ADGRV1: variants seen among roughly 807,000 people sequenced by gnomAD.
ADGRV1 encodes G-protein coupled receptor 98.
Under a neutral mutation model 596.2 loss-of-function variants are expected in ADGRV1, and 359 were observed. The ratio of observed to expected loss-of-function variants is 0.60; its 90% CI spans 0.55 to 0.66. The LOEUF (loss-of-function observed/expected upper bound fraction) is 0.66. Among genes scored for constraint, ADGRV1 ranks in the 30% least tolerant of loss-of-function variants. The probability of loss-of-function intolerance (pLI) is 0.00; values close to 1 mark genes in which losing one functional copy is unlikely to be tolerated. For missense variants in ADGRV1, 7,274 were observed against 7,575.6 expected, an observed-to-expected ratio of 0.96 and a Z score of 1.48; for synonymous variants, 2,681 against 2,679.2, an observed-to-expected ratio of 1.00 and a Z score of -0.02.
chr5:91,136,341 A>G (rs1794638187), intron 87 of ADGRV1, among the ~76,000 whole-genome samples: 1 of 152,228 alleles, frequency 6.6e-6, no homozygotes. Flanking sequence ...ATTTAGACCT[A>G]CACTTAAGGC....
chr5:90,806,555 G>A (rs1761920211), intron 72 of ADGRV1, among the ~76,000 whole-genome samples: 1 of 152,012 alleles, frequency 6.6e-6, no homozygotes, highest in African/African-American at 2.4e-5. Flanking sequence ...TAGGGTGTTT[G>A]CAAAAATTTT....
intron 60 of ADGRV1, among the ~76,000 whole-genome samples, 193 bp from the exon 61 acceptor site, chr5:90,776,260 T>C (rs1758214430): frequency 6.6e-6 from 1 of 152,138 alleles, no homozygotes; most frequent in Non-Finnish European, 1.5e-5. Context: ...GGGCAAGCGA[T>C]TTGCCTCCAT....
chr5:91,057,398 G>T (rs1786983843), intron 85 of ADGRV1, among the ~76,000 whole-genome samples: 1 of 152,166 alleles, frequency 6.6e-6, no homozygotes, highest in Non-Finnish European at 1.5e-5. Flanking sequence ...AAAAACTTAA[G>T]AATATCAGTC....
intron 20 of ADGRV1, chr5:90,654,293 T>A (rs1769081563): frequency 3.3e-6 from 1 of 306,008 alleles, no homozygotes; most frequent in African/African-American, 2.2e-5. Context: ...GGGAGTGATA[T>A]TCCTGCAGAG....
intron 78 of ADGRV1, among the ~76,000 whole-genome samples, chr5:90,845,809 C>T (rs1765828432): frequency 6.6e-6 from 1 of 152,100 alleles, no homozygotes; most frequent in Admixed American, 6.6e-5. Context: ...CAAGATTTGT[C>T]CTACTAGCCT....
At position 90,887,140 on chromosome 5, in the gene ADGRV1, C is replaced by T. The variant is rs143793790; in HGVS notation, c.17856+23283C>T. Among the ~76,000 whole-genome samples, 1,390 of 152,178 alleles carry T rather than the reference C, an allele frequency of 9.1e-3. 20 individuals are homozygous for T. The highest frequency in any genetic ancestry group is 0.032 in the African/African-American group (1,339 of 41,512). ...CATAATATGGCTGTTAAGACTGTAT[C>T]ACCAGCTCCGGTCCATATCACCAAT... On this transcript the variant is annotated intron_variant, in intron 83 of 89. Coordinates refer to ENST00000405460, the MANE Select transcript of ADGRV1 (RefSeq NM_032119.4).
chr5:90,861,304 A>ATTT lies in ADGRV1; in HGVS notation c.17756-2445_17756-2443dup, dbSNP rs549384273. On this transcript the variant is annotated intron_variant, in intron 82 of 89. Transcript: ENST00000405460. ...TTTTAAAATTTTTATTTATTTATCT[A>ATTT]TTTTTTTTTTGTTTTTGTTTTTGGA... 1.5e-3 allele frequency among the ~76,000 whole-genome samples: 218 copies of ATTT among 146,530 alleles called. 1 individual carries two copies. Among genetic ancestry groups the ATTT allele is most frequent in the African/African-American group, 4.9e-3 (198 of 40,062 alleles).
intron 50 of ADGRV1, among the ~76,000 whole-genome samples, chr5:90,742,092 T>C (rs1212837743): frequency 6.6e-6 from 1 of 152,184 alleles, no homozygotes; most frequent in Non-Finnish European, 1.5e-5. Flanking sequence ...GCCAAGCACA[T>C]TGATAGACCC....
chr5:90,852,055 A>G (rs1002911934), intron 79 of ADGRV1, among the ~76,000 whole-genome samples: 4 of 152,138 alleles, frequency 2.6e-5, no homozygotes, highest in Non-Finnish European at 4.4e-5. Flanking sequence ...TGAGATTTTG[A>G]CAAGCTATGG....
At chr5:91,066,162 C>T (rs372673133) in intron 85 of ADGRV1, among the ~76,000 whole-genome samples, 16 of 152,192 alleles carry the variant, frequency 1.1e-4, no homozygotes, top group African/African-American at 2.7e-4. Context: ...AATAGCTGCA[C>T]GTTAATCAGC....
chr5:90,791,202 T>A lies in ADGRV1; in HGVS notation c.14373T>A (p.Ala4791=), dbSNP rs375062187. ...TCCAAATTAACATAACCCGGCTTGC[T>A]GGAACATTTGGAGATGTGGCTGTTG... ...RSIQINITRL[A]GTFGDVAVGL... The change falls in exon 70 of 90, where the codon GCT becomes GCA. Residue 4791 remains alanine (A), a synonymous_variant. Transcript: ENST00000405460. 212 of 1,613,930 alleles carry A rather than the reference T, an allele frequency of 1.3e-4. 1 individual carries two copies. The Middle Eastern group carries it at 5.1e-3, about 39-fold the overall frequency.
chr5:90,719,629 G>C (rs1200482914), intron 43 of ADGRV1, among the ~76,000 whole-genome samples: 3 of 152,188 alleles, frequency 2.0e-5, no homozygotes, highest in Admixed American at 6.5e-5. Context: ...CTATTGGTTT[G>C]TCTGTTCTCC....
At chr5:90,784,538 G>A (rs1759213342) in intron 67 of ADGRV1, among the ~76,000 whole-genome samples, 1 of 152,160 alleles carries the variant, frequency 6.6e-6, no homozygotes, top group Non-Finnish European at 1.5e-5. Flanking sequence ...TATTTCAGCT[G>A]AAAGATGCAT....
intron 78 of ADGRV1, among the ~76,000 whole-genome samples, chr5:90,847,442 CA>C (rs1766004841): frequency 6.6e-6 from 1 of 152,222 alleles, no homozygotes; most frequent in Non-Finnish European, 1.5e-5. Context: ...CTCAGGAGCC[CA>C]GCTGGCTTCA....
chr5:90,672,866 T>C, intron 22 of ADGRV1, 144 bp downstream of exon 22: 3 of 602,732 alleles, frequency 5.0e-6, no homozygotes, highest in Non-Finnish European at 5.7e-6. Flanking sequence ...TAGAATTTGC[T>C]TCAAACATGT....
At chr5:90,959,799 A>G (rs1427590039) in intron 83 of ADGRV1, among the ~76,000 whole-genome samples, 1 of 152,212 alleles carries the variant, frequency 6.6e-6, no homozygotes, top group Non-Finnish European at 1.5e-5. Context: ...AAGAGCACAT[A>G]TGCCTATATT....
chr5:91,067,638 A>G (rs1274646413), intron 85 of ADGRV1, among the ~76,000 whole-genome samples: 1 of 152,220 alleles, frequency 6.6e-6, no homozygotes, highest in African/African-American at 2.4e-5. Context: ...CAAAATCTTT[A>G]TATTCCTAGA....
intron 84 of ADGRV1, among the ~76,000 whole-genome samples, chr5:90,976,910 T>G (rs1003753920): frequency 6.6e-6 from 1 of 152,210 alleles, no homozygotes; most frequent in African/African-American, 2.4e-5. Context: ...AAGAACACAT[T>G]TTTAAAATGG....
At chr5:90,926,311 C>T (rs1774442433) in intron 83 of ADGRV1, among the ~76,000 whole-genome samples, 1 of 151,660 alleles carries the variant, frequency 6.6e-6, no homozygotes, top group Non-Finnish European at 1.5e-5. Context: ...AATTTCAGCT[C>T]CTGTTATTGG....
Sources: gnomAD v4.1 joint callset for allele counts (sites outside exome capture counted in the v4.1 genomes callset) on GRCh38, gnomAD v4.1.1 for gene constraint, MANE v1.5 for transcripts, NCBI Gene and HGNC (gene_info 2026-07-23, HGNC 2026-07-21) for gene names.